The following GPC6 variants were observed in gnomAD, a reference collection of about 807,000 sequenced individuals.
GPC6 encodes the protein glypican-6.
Under a neutral mutation model 55.2 loss-of-function variants are expected in GPC6, and 14 were observed. That is an observed-to-expected ratio of 0.25 (90% CI 0.17 to 0.40). The LOEUF is 0.40. Among genes scored for constraint, GPC6 ranks in the 10% least tolerant of loss-of-function variants. The pLI, the probability that GPC6 is intolerant of heterozygous loss-of-function variation, is 1.00. For synonymous variants in GPC6, 278 were observed against 259.6 expected, an observed-to-expected ratio of 1.07 and a Z score of -0.68; for missense variants, 641 against 708.5, an observed-to-expected ratio of 0.90 and a Z score of 1.08.
chr13:94,044,229 T>A (rs1429117977), intron 4 of GPC6, among the ~76,000 whole-genome samples: 1 of 151,874 alleles, frequency 6.6e-6, no homozygotes, highest in Non-Finnish European at 1.5e-5. Flanking sequence ...TAAGTAGATA[T>A]GTGTGTATTT....
intron 1 of GPC6, among the ~76,000 whole-genome samples, chr13:93,276,495 A>AGAGAGAGAGTGTGT (rs1365006783): frequency 1.2e-4 from 11 of 94,400 alleles, no homozygotes; most frequent in African/African-American, 4.9e-4. Context: ...AGAGAGAGAG[A>AGAGAGAGAGTGTGT]GTGTGTGTGT....
chr13:93,373,886 T>G (rs966491377), intron 1 of GPC6, among the ~76,000 whole-genome samples: 58 of 152,220 alleles, frequency 3.8e-4, no homozygotes, highest in Non-Finnish European at 4.8e-4. Flanking sequence ...AGGAAAAATG[T>G]GCAAATTATT....
At chr13:93,217,904 G>T in the GPC6 span, among the ~76,000 whole-genome samples, 2 of 151,990 alleles carry the variant, frequency 1.3e-5, no homozygotes, top group Middle Eastern at 3.4e-3. Flanking sequence ...GCCCAAAGAT[G>T]TTTTTTTTGG....
At chr13:93,549,868 A>C (rs1875048033) in intron 2 of GPC6, among the ~76,000 whole-genome samples, 1 of 152,196 alleles carries the variant, frequency 6.6e-6, no homozygotes, top group African/African-American at 2.4e-5. Context: ...AAGAATGATG[A>C]ATCCAAGACT....
At chr13:94,392,963 A>C (rs1880723200) in intron 7 of GPC6, among the ~76,000 whole-genome samples, 1 of 152,196 alleles carries the variant, frequency 6.6e-6, no homozygotes. Flanking sequence ...CAGCAACTAC[A>C]CCATGTCACA....
intron 4 of GPC6, among the ~76,000 whole-genome samples, chr13:94,138,154 G>T (rs1046018519): frequency 7.9e-5 from 12 of 152,120 alleles, no homozygotes; most frequent in African/African-American, 2.9e-4. Flanking sequence ...AACATTCAAA[G>T]GAAAGGCTTA....
chr13:93,868,365 A>T (rs751132146), intron 3 of GPC6, among the ~76,000 whole-genome samples: 3 of 151,772 alleles, frequency 2.0e-5, no homozygotes, highest in Non-Finnish European at 4.4e-5. Flanking sequence ...ATATCTCCTT[A>T]TGCTTCTTTT....
At chr13:93,401,853 T>TA (rs1268579342) in intron 1 of GPC6, among the ~76,000 whole-genome samples, 1 of 152,082 alleles carries the variant, frequency 6.6e-6, no homozygotes, top group Non-Finnish European at 1.5e-5. Flanking sequence ...ACTAGTCAGA[T>TA]AGAGTAGGTT....
intron 3 of GPC6, among the ~76,000 whole-genome samples, chr13:93,880,456 A>G (rs1050301248): frequency 6.6e-6 from 1 of 152,124 alleles, no homozygotes; most frequent in African/African-American, 2.4e-5. Context: ...TCAGCAAACT[A>G]TCGCAAGAAC....
At position 94,248,585 on chromosome 13, in the gene GPC6, A is replaced by G. The variant is rs76323868; in HGVS notation, c.878-37764A>G. On this transcript the variant is annotated intron_variant, in intron 4 of 8. Coordinates refer to ENST00000377047, the MANE Select transcript of GPC6 (RefSeq NM_005708.5). ...AAAATAAGTATGCAATGCCTTCTCA[A>G]ATAATACACATGTGACCTTCATATA... Among the ~76,000 whole-genome samples the G allele has an allele frequency of 2.0e-5, 3 of 152,152 alleles. No homozygotes were observed. The South Asian group carries it at 6.2e-4, about 32-fold the overall frequency.
intron 1 of GPC6, among the ~76,000 whole-genome samples, chr13:93,531,447 A>G (rs1015751058): frequency 6.6e-6 from 1 of 152,134 alleles, no homozygotes; most frequent in Non-Finnish European, 1.5e-5. Flanking sequence ...TTTCTTCTCC[A>G]GGATGCCTCA....
intron 2 of GPC6, among the ~76,000 whole-genome samples, chr13:93,773,284 CA>C (rs1885360134): frequency 6.6e-6 from 1 of 152,048 alleles, no homozygotes; most frequent in Non-Finnish European, 1.5e-5. Context: ...TTCTGAGTAA[CA>C]ACTTTACGTA....
chr13:94,177,584 A>G (rs1006042930), intron 4 of GPC6, among the ~76,000 whole-genome samples: 2 of 152,210 alleles, frequency 1.3e-5, no homozygotes, highest in African/African-American at 4.8e-5. Context: ...TCAAATTAGC[A>G]AATAGTTTTG....
At chr13:93,399,341 AT>A (rs1160387522) in intron 1 of GPC6, among the ~76,000 whole-genome samples, 1 of 152,122 alleles carries the variant, frequency 6.6e-6, no homozygotes, top group Admixed American at 6.5e-5. Context: ...CTGTACTGTA[AT>A]CTACATGAAT....
At chr13:93,594,527 A>G (rs1010530201) in intron 2 of GPC6, among the ~76,000 whole-genome samples, 12 of 152,114 alleles carry the variant, frequency 7.9e-5, no homozygotes, top group Admixed American at 7.2e-4. Flanking sequence ...GATATTAATC[A>G]TCTGAAACCC....
intron 4 of GPC6, among the ~76,000 whole-genome samples, chr13:94,089,623 CA>C (rs78404992): frequency 1.4e-4 from 22 of 151,798 alleles, no homozygotes; most frequent in Admixed American, 2.0e-4. Context: ...GTGAAATTGC[CA>C]AAAAAAAATG....
At chr13:93,992,166 G>A (rs958067107) in intron 3 of GPC6, among the ~76,000 whole-genome samples, 12 of 147,486 alleles carry the variant, frequency 8.1e-5, no homozygotes, top group South Asian at 2.1e-4. Flanking sequence ...TTAGTTTACA[G>A]AGATATGTGT....
At chr13:93,785,575 G>A (rs1885794175) in intron 2 of GPC6, among the ~76,000 whole-genome samples, 1 of 152,170 alleles carries the variant, frequency 6.6e-6, no homozygotes, top group African/African-American at 2.4e-5. Context: ...AAGGTACTGG[G>A]GAACTATCAA....
intron 3 of GPC6, among the ~76,000 whole-genome samples, chr13:94,007,542 A>T (rs1381767929): frequency 6.6e-6 from 1 of 152,200 alleles, no homozygotes; most frequent in Non-Finnish European, 1.5e-5. Flanking sequence ...GAATGCATTA[A>T]GTCTCACTGT....
Sources: gnomAD v4.1 joint callset for allele counts (sites outside exome capture counted in the v4.1 genomes callset) on GRCh38, gnomAD v4.1.1 for gene constraint, MANE v1.5 for transcripts, NCBI Gene and HGNC (gene_info 2026-07-23, HGNC 2026-07-21) for gene names.